The following PICALM variants were observed in gnomAD, a reference collection of about 807,000 sequenced individuals.
PICALM encodes the protein phosphatidylinositol-binding clathrin assembly protein.
PICALM carries 40 observed loss-of-function variants against 80.5 expected under a neutral mutation model. The observed-to-expected ratio is 0.50, with a 90% confidence interval of 0.39 to 0.65. PICALM has a LOEUF of 0.65. PICALM is among the 30% of genes least tolerant of loss of function. The pLI, the probability that PICALM is intolerant of heterozygous loss-of-function variation, is 0.00. For synonymous variants in PICALM, 288 were observed against 260.3 expected (o/e 1.11, Z -1.02); for missense variants, 676 against 778.9 (o/e 0.87, Z 1.57).
chr11:85,969,785 C>CTAG (rs1234002808), intron 19 of PICALM: 13 of 218,676 alleles, frequency 5.9e-5, no homozygotes, highest in Non-Finnish European at 9.6e-5. Context: ...TCCCAAAGTG[C>CTAG]TAGTATTACA....
intron 19 of PICALM, among the ~76,000 whole-genome samples, chr11:85,966,424 A>T (rs2093900184): frequency 6.6e-6 from 1 of 151,302 alleles, no homozygotes; most frequent in Non-Finnish European, 1.5e-5. Flanking sequence ...AACAATTTCC[A>T]AAAACAGGGC....
At chr11:85,964,918 T>G (rs1403067232) in intron 19 of PICALM, among the ~76,000 whole-genome samples, 1 of 152,194 alleles carries the variant, frequency 6.6e-6, no homozygotes, top group Non-Finnish European at 1.5e-5. Flanking sequence ...TACAAAGAAA[T>G]TATTACAACT....
intron 1 of PICALM, among the ~76,000 whole-genome samples, chr11:86,067,843 G>A (rs2096467934): frequency 6.6e-6 from 1 of 152,100 alleles, no homozygotes; most frequent in Non-Finnish European, 1.5e-5. Context: ...AGAGCTGACA[G>A]TCACAAACTC....
intron 1 of PICALM, among the ~76,000 whole-genome samples, chr11:86,041,041 A>G (rs556745937): frequency 1.1e-4 from 16 of 152,100 alleles, no homozygotes; most frequent in Non-Finnish European, 1.8e-4. Flanking sequence ...CCTGGTTTCA[A>G]TTTCATACTC....
intron 4 of PICALM, among the ~76,000 whole-genome samples, chr11:86,019,134 A>C (rs944698461): frequency 5.3e-5 from 8 of 151,990 alleles, no homozygotes; most frequent in Non-Finnish European, 1.2e-4. Flanking sequence ...TGTAAACATA[A>C]AAAAAAATCT....
chr11:86,036,127 C>A (rs2095839669), intron 1 of PICALM, among the ~76,000 whole-genome samples: 1 of 151,950 alleles, frequency 6.6e-6, no homozygotes, highest in Non-Finnish European at 1.5e-5. Flanking sequence ...GGATAAGGAA[C>A]TTTTATATGA....
At chr11:86,025,981 G>A (rs561568392) in intron 3 of PICALM, among the ~76,000 whole-genome samples, 1 of 152,296 alleles carries the variant, frequency 6.6e-6, no homozygotes, top group East Asian at 1.9e-4. Flanking sequence ...TACTGATGCA[G>A]AGGTGAAGTA....
At chr11:86,040,985 T>C (rs991568250) in intron 1 of PICALM, among the ~76,000 whole-genome samples, 11 of 152,318 alleles carry the variant, frequency 7.2e-5, no homozygotes, top group Admixed American at 6.5e-4. Flanking sequence ...GATTCAGAGA[T>C]GGCAAAAAGA....
chr11:86,027,500 A>T (rs1310357326), intron 2 of PICALM, among the ~76,000 whole-genome samples: 6 of 140,294 alleles, frequency 4.3e-5, no homozygotes, highest in Non-Finnish European at 7.8e-5. Context: ...TGAAATCAGT[A>T]TTTTTTTTTT....
chr11:85,979,980 C>G (rs760805111), intron 17 of PICALM, among the ~76,000 whole-genome samples: 3 of 152,166 alleles, frequency 2.0e-5, no homozygotes, highest in Non-Finnish European at 4.4e-5. Context: ...TTAAAACATA[C>G]TAAAACCTCT....
intron 3 of PICALM, among the ~76,000 whole-genome samples, 176 bp downstream of exon 3, chr11:86,026,116 G>A (rs1440877060): frequency 6.6e-6 from 1 of 152,042 alleles, no homozygotes; most frequent in Non-Finnish European, 1.5e-5. Flanking sequence ...CTGAGTATCT[G>A]GTAGGAAGAT....
intron 8 of PICALM, among the ~76,000 whole-genome samples, chr11:86,005,299 T>A (rs565371713): frequency 6.6e-6 from 1 of 152,334 alleles, no homozygotes; most frequent in Admixed American, 6.5e-5. Flanking sequence ...AGCTGTGGCT[T>A]ACAAATAAAA....
intron 19 of PICALM, among the ~76,000 whole-genome samples, chr11:85,964,201 A>C (rs1424627035): frequency 1.3e-5 from 2 of 152,196 alleles, no homozygotes; most frequent in Admixed American, 6.5e-5. Flanking sequence ...TTGGATATTT[A>C]GGAAAAAACT....
intron 1 of PICALM, among the ~76,000 whole-genome samples, chr11:86,035,173 C>T (rs2095819086): frequency 1.3e-5 from 2 of 151,092 alleles, no homozygotes; most frequent in Admixed American, 1.3e-4. Flanking sequence ...AAGCAGTTAC[C>T]AAATGGTTTC....
intron 2 of PICALM, among the ~76,000 whole-genome samples, chr11:86,028,289 G>A (rs2095685645): frequency 6.6e-6 from 1 of 152,114 alleles, no homozygotes; most frequent in Non-Finnish European, 1.5e-5. Context: ...AACCTGAAAT[G>A]GATTATCCTA....
chr11:85,996,267 T>C (rs111888865), intron 12 of PICALM, among the ~76,000 whole-genome samples: 1 of 152,112 alleles, frequency 6.6e-6, no homozygotes, highest in African/African-American at 2.4e-5. Context: ...GCAGCAAACA[T>C]TCTTATTGGT....
intron 2 of PICALM, among the ~76,000 whole-genome samples, chr11:86,027,231 TA>T (rs1318296025): frequency 2.0e-5 from 3 of 152,212 alleles, no homozygotes; most frequent in Non-Finnish European, 4.4e-5. Context: ...TATATGAGTA[TA>T]TGAGTTTTTC....
intron 1 of PICALM, among the ~76,000 whole-genome samples, chr11:86,062,902 C>T (rs887807746): frequency 1.3e-5 from 2 of 152,138 alleles, no homozygotes; most frequent in Admixed American, 6.6e-5. Flanking sequence ...ACTTTAGCTA[C>T]CAAAAGAACA....
At chr11:86,021,555 GAGAAACTGAAAGTGCCATA>G (rs1167037980) in intron 4 of PICALM, among the ~76,000 whole-genome samples, 1 of 151,014 alleles carries the variant, frequency 6.6e-6, no homozygotes, top group African/African-American at 2.4e-5. Flanking sequence ...CAAGAATAGG[GAGAAACTGAAAGTGCCATA>G]CATTGCTGGT....
Sources: allele counts gnomAD v4.1 joint callset (sites outside exome capture counted in the v4.1 genomes callset), GRCh38; gene constraint gnomAD v4.1.1; transcripts MANE v1.5; gene names NCBI Gene and HGNC (gene_info 2026-07-23, HGNC 2026-07-21).